The following PAPPA2 variants were observed in gnomAD, a reference collection of about 807,000 sequenced individuals.
The protein encoded by PAPPA2 is pappalysin-2.
In PAPPA2, 86 loss-of-function variants were observed where a neutral mutation model predicts 176.4. The ratio of observed to expected loss-of-function variants is 0.49; its 90% CI spans 0.41 to 0.58. The LOEUF is 0.58. Ranked by LOEUF, PAPPA2 falls within the 20% of genes least tolerant of loss-of-function variation. PAPPA2 has a pLI of 0.00. For synonymous variants in PAPPA2, 809 were observed against 852.2 expected, an observed-to-expected ratio of 0.95 and a Z score of 0.88; for missense variants, 2,073 against 2,256.9, an observed-to-expected ratio of 0.92 and a Z score of 1.65.
At chr1:176,815,225 G>A (rs1666326115) in intron 21 of PAPPA2, among the ~76,000 whole-genome samples, 1 of 152,118 alleles carries the variant, frequency 6.6e-6, no homozygotes, top group South Asian at 2.1e-4. Flanking sequence ...GCAGCAAACA[G>A]CATGCATAAT....
At chr1:176,724,552 C>T (rs958368899) in intron 12 of PAPPA2, among the ~76,000 whole-genome samples, 14 of 152,120 alleles carry the variant, frequency 9.2e-5, no homozygotes, top group African/African-American at 3.1e-4. Context: ...GGTTAGCAAT[C>T]CCAACAGCAA....
chr1:176,564,546 A>G (rs1651849383), intron 2 of PAPPA2, among the ~76,000 whole-genome samples: 1 of 152,166 alleles, frequency 6.6e-6, no homozygotes, highest in Non-Finnish European at 1.5e-5. Flanking sequence ...TTTGCTTTCT[A>G]GTTTCACGCT....
chr1:176,620,464 C>T (rs1343981745), intron 3 of PAPPA2, among the ~76,000 whole-genome samples: 2 of 152,104 alleles, frequency 1.3e-5, no homozygotes, highest in East Asian at 1.9e-4. Flanking sequence ...ATAGTCTAGA[C>T]ATTTCAAATC....
chr1:176,515,943 G>A (rs919668834), intron 1 of PAPPA2, among the ~76,000 whole-genome samples: 2 of 152,174 alleles, frequency 1.3e-5, no homozygotes, highest in Non-Finnish European at 2.9e-5. Context: ...CCCCACAACA[G>A]TTCTCGGAAG....
rs532851294 is a variant in PAPPA2, at chr1:176,636,320, C to G, written c.1992-34650C>G. Among the ~76,000 whole-genome samples, 3 of 152,242 alleles carry G rather than the reference C, an allele frequency of 2.0e-5. No individual in the cohort carries two copies. The East Asian group carries it at 5.8e-4, about 29-fold the overall frequency. ...CTTGAGAGTCTAAGTGACTTAAACT[C>G]AGCTATTAATTTAAATAGCCAAGCC... is the stretch of plus-strand genomic sequence containing the variant. On this transcript the variant is annotated intron_variant, in intron 3 of 22. Coordinates refer to ENST00000367662, the MANE Select transcript of PAPPA2 (RefSeq NM_020318.3).
At chr1:176,831,466 C>A (rs534249722) in intron 21 of PAPPA2, among the ~76,000 whole-genome samples, 1 of 152,300 alleles carries the variant, frequency 6.6e-6, no homozygotes, top group Non-Finnish European at 1.5e-5. Context: ...GTTTTTCTTG[C>A]ACAAATGTGC....
intron 21 of PAPPA2, among the ~76,000 whole-genome samples, chr1:176,823,995 T>G (rs1666764185): frequency 6.6e-6 from 1 of 152,220 alleles, no homozygotes; most frequent in African/African-American, 2.4e-5. Context: ...GAAAAGAGTC[T>G]GAATACAAAA....
chr1:176,709,865 C>A, intron 10 of PAPPA2, 118 bp from the exon 11 acceptor site: 1 of 829,568 alleles, frequency 1.2e-6, no homozygotes. Context: ...GACTGGCAGG[C>A]AATTGCAGAA....
chr1:176,835,513 T>TTTG (rs572609875), intron 21 of PAPPA2, among the ~76,000 whole-genome samples: 46 of 152,052 alleles, frequency 3.0e-4, no homozygotes, highest in South Asian at 6.2e-4. Context: ...CCTTTCATCT[T>TTTG]TTGTTGTTGT....
chr1:176,513,162 A>G (rs1436436567), intron 1 of PAPPA2, among the ~76,000 whole-genome samples: 1 of 64,836 alleles, frequency 1.5e-5, no homozygotes, highest in East Asian at 2.2e-4. Flanking sequence ...TCTGTCTATC[A>G]TCATCATCAT....
intron 2 of PAPPA2, among the ~76,000 whole-genome samples, chr1:176,569,288 C>T (rs1652175294): frequency 6.6e-6 from 1 of 152,208 alleles, no homozygotes; most frequent in Non-Finnish European, 1.5e-5. Context: ...ACAGCACTCT[C>T]CCTGGCCTCT....
intron 2 of PAPPA2, among the ~76,000 whole-genome samples, chr1:176,568,468 C>T (rs751111423): frequency 6.6e-6 from 1 of 152,182 alleles, no homozygotes; most frequent in Non-Finnish European, 1.5e-5. Flanking sequence ...ACAGCTGGTG[C>T]AGGCAGAGCC....
chr1:176,664,164 C>CTG lies in PAPPA2; in HGVS notation c.1992-6804_1992-6803dup, dbSNP rs1658499557. On this transcript the variant is annotated intron_variant, in intron 3 of 22. Transcript: ENST00000367662. ...GAGATGTATTAGTTTTTGATTCTTG[C>CTG]TGTAATAAGTTATTGCAAGCATAGT... is the stretch of plus-strand genomic sequence containing the variant. Among the ~76,000 whole-genome samples, 4 of 152,204 alleles carry CTG rather than the reference C, an allele frequency of 2.6e-5. No homozygotes were observed. In the South Asian group the frequency reaches 6.2e-4, roughly 24 times the overall value.
intron 14 of PAPPA2, among the ~76,000 whole-genome samples, chr1:176,749,346 C>T (rs551711837): frequency 1.3e-5 from 2 of 152,242 alleles, no homozygotes; most frequent in African/African-American, 4.8e-5. Context: ...AGAGATTTCC[C>T]ATACACCCAA....
intron 1 of PAPPA2, among the ~76,000 whole-genome samples, chr1:176,544,281 A>T (rs1484691258): frequency 1.3e-5 from 2 of 152,222 alleles, no homozygotes; most frequent in African/African-American, 4.8e-5. Flanking sequence ...TTGCATACAT[A>T]AAAATGACAA....
At chr1:176,828,512 T>C (rs1202320564) in intron 21 of PAPPA2, among the ~76,000 whole-genome samples, 1 of 151,118 alleles carries the variant, frequency 6.6e-6, no homozygotes, top group Non-Finnish European at 1.5e-5. Flanking sequence ...TTAATTATTA[T>C]ACACATAGTA....
intron 12 of PAPPA2, among the ~76,000 whole-genome samples, chr1:176,722,770 G>A (rs1425040864): frequency 6.6e-6 from 1 of 151,904 alleles, no homozygotes; most frequent in African/African-American, 2.4e-5. Flanking sequence ...AAACTTTTTT[G>A]TATACTTAAT....
chr1:176,609,350 C>T (rs958209917), intron 3 of PAPPA2, among the ~76,000 whole-genome samples: 1 of 152,064 alleles, frequency 6.6e-6, no homozygotes, highest in African/African-American at 2.4e-5. Flanking sequence ...AATTTTTCTT[C>T]TCTTATGGAG....
At chr1:176,754,868 G>A (rs904840676) in intron 14 of PAPPA2, among the ~76,000 whole-genome samples, 24 of 152,288 alleles carry the variant, frequency 1.6e-4, no homozygotes, top group Non-Finnish European at 1.2e-4. Flanking sequence ...TGACTCTCAG[G>A]CCGTGTCTGG....
Sources: gnomAD v4.1 joint callset for allele counts (sites outside exome capture counted in the v4.1 genomes callset) on GRCh38, gnomAD v4.1.1 for gene constraint, MANE v1.5 for transcripts, NCBI Gene and HGNC (gene_info 2026-07-23, HGNC 2026-07-21) for gene names.